The following DSCAM variants were observed in gnomAD, a reference collection of about 807,000 sequenced individuals.
DSCAM encodes DS cell adhesion molecule.
In DSCAM, 47 loss-of-function variants were observed where a neutral mutation model predicts 217.7. That is an observed-to-expected ratio of 0.22 (90% CI 0.17 to 0.28). The LOEUF is 0.28. Ranked by LOEUF, DSCAM falls within the 10% of genes least tolerant of loss-of-function variation. The probability of loss-of-function intolerance (pLI) is 1.00; values close to 1 mark genes in which losing one functional copy is unlikely to be tolerated. For missense variants in DSCAM, 2,080 were observed against 2,618.3 expected (o/e 0.79, Z 4.49); for synonymous variants, 1,056 against 1,015.3 (o/e 1.04, Z -0.76).
chr21:40,555,822 C>T (rs966489700), intron 3 of DSCAM, among the ~76,000 whole-genome samples: 6 of 152,004 alleles, frequency 3.9e-5, no homozygotes, highest in Admixed American at 1.3e-4. Flanking sequence ...TTTTTTGCAG[C>T]GATGGGGTCT....
chr21:40,325,077 T>G (rs950303913), intron 8 of DSCAM, among the ~76,000 whole-genome samples: 9 of 152,172 alleles, frequency 5.9e-5, no homozygotes, highest in African/African-American at 9.7e-5. Flanking sequence ...TTGAGAAGTA[T>G]TTTTCATGAC....
rs527786284 is a variant in DSCAM at position 40,490,507 on chromosome 21, C to G, written c.509-121262G>C. Among the ~76,000 whole-genome samples, 5 of 152,098 alleles carry G rather than the reference C, an allele frequency of 3.3e-5. No individual in the cohort carries two copies. The South Asian group carries it at 1.0e-3, about 32-fold the overall frequency. ...ACCATCCTCCTCTCCATGCAGGAAT[C>G]AGGTAAGGGTATGTGAGAGGAAGGA... On this transcript the variant is annotated intron_variant, in intron 3 of 32. Transcript: ENST00000400454.
chr21:40,545,828 G>A (rs1568894167), intron 3 of DSCAM, among the ~76,000 whole-genome samples: 2 of 152,176 alleles, frequency 1.3e-5, no homozygotes, highest in Non-Finnish European at 2.9e-5. Flanking sequence ...GCCCCCTTGT[G>A]TGTAGCCCAG....
intron 3 of DSCAM, among the ~76,000 whole-genome samples, chr21:40,453,124 AAC>A (rs1296203408): frequency 6.7e-6 from 1 of 148,518 alleles, no homozygotes; most frequent in Non-Finnish European, 1.5e-5. Flanking sequence ...CATACATGCA[AAC>A]ACACATAAGT....
At chr21:40,054,395 G>A (rs2088980740) in intron 29 of DSCAM, among the ~76,000 whole-genome samples, 1 of 152,200 alleles carries the variant, frequency 6.6e-6, no homozygotes, top group African/African-American at 2.4e-5. Context: ...GAGAACCCAG[G>A]CCTTAGAATT....
intron 3 of DSCAM, among the ~76,000 whole-genome samples, chr21:40,392,651 C>T (rs537353001): frequency 1.3e-5 from 2 of 152,276 alleles, no homozygotes; most frequent in South Asian, 4.1e-4. Context: ...GGGAAAGAAG[C>T]CACCACGTAC....
intron 3 of DSCAM, among the ~76,000 whole-genome samples, chr21:40,657,088 GT>G (rs1320228159): frequency 6.6e-6 from 1 of 152,202 alleles, no homozygotes; most frequent in Non-Finnish European, 1.5e-5. Context: ...ATTATAGAAA[GT>G]TTTGCATGTT....
At chr21:40,572,235 T>C (rs144528213) in intron 3 of DSCAM, among the ~76,000 whole-genome samples, 10 of 152,262 alleles carry the variant, frequency 6.6e-5, no homozygotes, top group African/African-American at 2.4e-4. Flanking sequence ...ATAATTGTGA[T>C]AGTCTTAGAT....
chr21:40,768,828 G>A (rs1174817575), intron 1 of DSCAM, among the ~76,000 whole-genome samples: 1 of 152,182 alleles, frequency 6.6e-6, no homozygotes, highest in Non-Finnish European at 1.5e-5. Flanking sequence ...TTGAGCACCA[G>A]ACCTCGGATA....
intron 3 of DSCAM, among the ~76,000 whole-genome samples, chr21:40,416,163 C>T (rs1312279214): frequency 1.3e-5 from 2 of 152,120 alleles, no homozygotes; most frequent in Non-Finnish European, 2.9e-5. Context: ...TGATTTAACG[C>T]TCTGCTTCAT....
chr21:40,029,352 G>T (rs970690115), intron 32 of DSCAM, among the ~76,000 whole-genome samples: 4 of 148,406 alleles, frequency 2.7e-5, no homozygotes, highest in African/African-American at 7.3e-5. Flanking sequence ...TTGGATCTCT[G>T]TGCTCATGCC....
At chr21:40,045,113 T>C (rs1030810942) in intron 30 of DSCAM, among the ~76,000 whole-genome samples, 1 of 152,240 alleles carries the variant, frequency 6.6e-6, no homozygotes, top group Non-Finnish European at 1.5e-5. Flanking sequence ...GTGCTACAGC[T>C]GCAAGCAAAT....
At chr21:40,312,842 G>A (rs1322103267) in intron 8 of DSCAM, among the ~76,000 whole-genome samples, 1 of 152,156 alleles carries the variant, frequency 6.6e-6, no homozygotes, top group African/African-American at 2.4e-5. Flanking sequence ...GCTGGATGTG[G>A]TGGCTCACAC....
chr21:40,146,306 G>T (rs9978731), intron 16 of DSCAM, among the ~76,000 whole-genome samples: 27,065 of 151,586 alleles, frequency 0.18, 2,918 homozygotes, highest in Middle Eastern at 0.26. Context: ...AGTAGAAGGA[G>T]GATGGGGTGA....
intron 11 of DSCAM, among the ~76,000 whole-genome samples, chr21:40,192,695 GA>G (rs1286858584): frequency 6.6e-6 from 1 of 151,986 alleles, no homozygotes; most frequent in Non-Finnish European, 1.5e-5. Context: ...TAGCTTTCTG[GA>G]TTTTTTTCAC....
At chr21:40,126,826 G>T (rs2090099015) in intron 19 of DSCAM, among the ~76,000 whole-genome samples, 1 of 152,160 alleles carries the variant, frequency 6.6e-6, no homozygotes, top group African/African-American at 2.4e-5. Flanking sequence ...GTCTTTCCTT[G>T]TATGGTTACT....
At chr21:40,597,653 C>T (rs1485846774) in intron 3 of DSCAM, among the ~76,000 whole-genome samples, 1 of 151,810 alleles carries the variant, frequency 6.6e-6, no homozygotes, top group Non-Finnish European at 1.5e-5. Flanking sequence ...ACTACAGGTG[C>T]CCACCACCAC....
chr21:40,127,639 G>T (rs570212765), intron 19 of DSCAM, among the ~76,000 whole-genome samples: 12 of 152,244 alleles, frequency 7.9e-5, no homozygotes, highest in African/African-American at 2.4e-4. Flanking sequence ...TTTCACACGG[G>T]CACCTTAGAC....
intron 20 of DSCAM, among the ~76,000 whole-genome samples, chr21:40,117,212 C>T (rs2089981622): frequency 1.3e-5 from 2 of 152,096 alleles, no homozygotes; most frequent in African/African-American, 4.8e-5. Flanking sequence ...AGATGACTCA[C>T]AGTCATCATC....
Sources: gnomAD v4.1 joint callset for allele counts (sites outside exome capture counted in the v4.1 genomes callset) on GRCh38, gnomAD v4.1.1 for gene constraint, MANE v1.5 for transcripts, NCBI Gene and HGNC (gene_info 2026-07-23, HGNC 2026-07-21) for gene names.